The following MTCL2 variants were observed in gnomAD, a reference collection of about 807,000 sequenced individuals.
MTCL2 encodes microtubule crosslinking factor 2, also known as microtubule cross-linking factor 2.
chr20:36,810,239 A>G, the MTCL2 span: 3 of 1,109,456 alleles, frequency 2.7e-6, no homozygotes, highest in East Asian at 7.9e-5. Flanking sequence ...AATACAAATC[A>G]GGCAGAATGA....
At chr20:36,815,563 G>T in the MTCL2 span, 1 of 1,572,032 alleles carries the variant, frequency 6.4e-7, no homozygotes, top group East Asian at 2.4e-5. The surrounding 1 kb of genome is among the most constrained non-coding windows in gnomAD (Gnocchi z 5.3). Flanking sequence ...GGCACACACT[G>T]GGCAGAGTCC....
the MTCL2 span, among the ~76,000 whole-genome samples, chr20:36,824,819 AT>A: frequency 6.6e-6 from 1 of 151,704 alleles, no homozygotes; most frequent in Non-Finnish European, 1.5e-5. Context: ...GGTCCAGCTA[AT>A]TTTTTAAATT....
chr20:36,837,546 ACAT>A, the MTCL2 span, among the ~76,000 whole-genome samples: 10,351 of 134,992 alleles, frequency 0.077, 508 homozygotes, highest in Middle Eastern at 0.14. Context: ...CATTTTACCC[ACAT>A]TATTATTATT....
the MTCL2 span, among the ~76,000 whole-genome samples, chr20:36,813,040 A>G: frequency 2.0e-5 from 3 of 152,220 alleles, no homozygotes; most frequent in East Asian, 5.8e-4. Flanking sequence ...CGTTTAATGA[A>G]TGTTTGCTGA....
chr20:36,794,623 G>A, the MTCL2 span: 19 of 1,613,796 alleles, frequency 1.2e-5, no homozygotes, highest in East Asian at 4.5e-5. This position sits in a 1 kb window ranked among gnomAD's most constrained non-coding sequence, Gnocchi z 5.4. Context: ...AGGAGGAAAC[G>A]TCGTTATTAG....
the MTCL2 span, chr20:36,793,836 T>C: frequency 1.3e-6 from 2 of 1,544,732 alleles, no homozygotes; most frequent in South Asian, 2.4e-5. The surrounding 1 kb of genome is among the most constrained non-coding windows in gnomAD (Gnocchi z 6.8). Flanking sequence ...ATCTGCTTGC[T>C]GCGCACAGAC....
At chr20:36,807,316 T>A in the MTCL2 span, among the ~76,000 whole-genome samples, 1 of 152,102 alleles carries the variant, frequency 6.6e-6, no homozygotes, top group Non-Finnish European at 1.5e-5. Context: ...GGAGTACCCC[T>A]GATGGCGTAA....
At chr20:36,817,261 C>T in the MTCL2 span, 564 of 675,440 alleles carry the variant, frequency 8.4e-4, 1 homozygote, top group African/African-American at 2.4e-3. Flanking sequence ...AGTGTGACTC[C>T]GTCTCAAAAA....
chr20:36,817,596 C>G, the MTCL2 span: 1 of 787,806 alleles, frequency 1.3e-6, no homozygotes, highest in Non-Finnish European at 2.0e-6. Flanking sequence ...GGCCACCCCA[C>G]CCTGATGGCA....
chr20:36,785,648 G>A, the MTCL2 span: 3 of 985,352 alleles, frequency 3.0e-6, no homozygotes, highest in Non-Finnish European at 3.6e-6. Context: ...TTGAGATCAA[G>A]GCAGTGTATT....
chr20:36,817,337 C>T, the MTCL2 span: 2 of 1,375,006 alleles, frequency 1.5e-6, no homozygotes, highest in Non-Finnish European at 9.9e-7. Context: ...AATCTGGGAT[C>T]CCCAGGCCAC....
chr20:36,853,015 C>A, the MTCL2 span, among the ~76,000 whole-genome samples: 1 of 151,674 alleles, frequency 6.6e-6, no homozygotes, highest in African/African-American at 2.4e-5. Flanking sequence ...CAAGATCACG[C>A]CACTGCACTC....
At chr20:36,832,449 A>C in the MTCL2 span, among the ~76,000 whole-genome samples, 1 of 152,100 alleles carries the variant, frequency 6.6e-6, no homozygotes, top group Non-Finnish European at 1.5e-5. Context: ...ATCCCCTCCC[A>C]TCCTCTCCAT....
At chr20:36,797,588 A>G in the MTCL2 span, 6 of 1,554,676 alleles carry the variant, frequency 3.9e-6, no homozygotes, top group Non-Finnish European at 5.2e-6. Flanking sequence ...GCAAGGGCAG[A>G]GAGGGTGGGT....
the MTCL2 span, chr20:36,804,872 T>C: frequency 3.1e-6 from 5 of 1,613,836 alleles, no homozygotes; most frequent in Non-Finnish European, 4.2e-6. Context: ...GTCACCTTCA[T>C]GTCGGCCAGT....
chr20:36,859,464 C>T, the MTCL2 span: 1 of 718,558 alleles, frequency 1.4e-6, no homozygotes, highest in Non-Finnish European at 1.9e-6. Flanking sequence ...ACATCAATCT[C>T]CCTCTGAACC....
chr20:36,859,945 A>C, the MTCL2 span: 1 of 1,229,694 alleles, frequency 8.1e-7, no homozygotes, highest in Non-Finnish European at 1.0e-6. Flanking sequence ...CTCTGGCCAC[A>C]GTTTTCCCAT....
the MTCL2 span, chr20:36,863,095 C>T: frequency 2.9e-6 from 4 of 1,400,670 alleles, no homozygotes; most frequent in Non-Finnish European, 3.7e-6. The surrounding 1 kb of genome is among the most constrained non-coding windows in gnomAD (Gnocchi z 6.2). Context: ...CGCACACCCG[C>T]ACCGCGCGCC....
At chr20:36,840,235 G>T in the MTCL2 span, among the ~76,000 whole-genome samples, 1 of 151,226 alleles carries the variant, frequency 6.6e-6, no homozygotes, top group African/African-American at 2.4e-5. Flanking sequence ...CGCTATCTCG[G>T]CTCACTGCAA....
Sources: gnomAD v4.1 joint callset for allele counts (sites outside exome capture counted in the v4.1 genomes callset) on GRCh38, gnomAD v4.1.1 for gene constraint, Gnocchi (gnomAD v3.1) non-coding constraint, MANE v1.5 for transcripts, NCBI Gene and HGNC (gene_info 2026-07-23, HGNC 2026-07-21) for gene names.